Variants in TM9SF4 observed in about 807,000 individuals in gnomAD.
The protein encoded by TM9SF4 is dinucleotide oxidase disulfide thiol exchanger 3 superfamily member 4.
TM9SF4 carries 26 observed loss-of-function variants against 90.4 expected under a neutral mutation model. The observed-to-expected ratio is 0.29, with a 90% CI of 0.21 to 0.40. The LOEUF (loss-of-function observed/expected upper bound fraction) is 0.40. TM9SF4 is among the 10% of genes least tolerant of loss of function. The pLI is 1.00. For missense variants in TM9SF4, 549 were observed against 834.8 expected, an observed-to-expected ratio of 0.66 and a Z score of 4.22; for synonymous variants, 293 against 315.4, an observed-to-expected ratio of 0.93 and a Z score of 0.75.
chr20:32,128,790 CTGTG>C (rs55977888), intron 1 of TM9SF4, among the ~76,000 whole-genome samples: 3,268 of 145,266 alleles, frequency 0.022, 78 homozygotes, highest in African/African-American at 0.055. Flanking sequence ...GTATTCCATT[CTGTG>C]TGTGTGTGTG....
intron 1 of TM9SF4, among the ~76,000 whole-genome samples, chr20:32,120,060 A>G (rs2046282037): frequency 1.3e-5 from 2 of 152,170 alleles, no homozygotes; most frequent in South Asian, 4.1e-4. Context: ...GCTTTATAAT[A>G]TGTTTAGAAA....
intron 1 of TM9SF4, among the ~76,000 whole-genome samples, chr20:32,111,515 G>A (rs2046142572): frequency 6.6e-6 from 1 of 151,932 alleles, no homozygotes; most frequent in Admixed American, 6.6e-5. Context: ...GAATTACAGG[G>A]TCAAGGTCCC....
At chr20:32,162,818 T>A (rs189907758) in intron 17 of TM9SF4, among the ~76,000 whole-genome samples, 1 of 151,684 alleles carries the variant, frequency 6.6e-6, no homozygotes, top group Non-Finnish European at 1.5e-5. Flanking sequence ...TAATCATAAC[T>A]CTCATAAGTG....
Position 32,165,539 on chromosome 20 carries a change from C to T in TM9SF4, c.*95C>T, listed in dbSNP as rs766771771. ...CACGCAAAATAAAATAACTCCTGCT[C>T]GTTTGGAATGTAACTCCTGGCACAG... On this transcript the variant is annotated 3_prime_UTR_variant, in exon 18 of 18. Coordinates refer to ENST00000398022, the MANE Select transcript of TM9SF4 (RefSeq NM_014742.4). 2.1e-6 allele frequency: 3 copies of T among 1,439,040 alleles called. No individual in the cohort carries two copies. Among genetic ancestry groups the T allele is most frequent in the East Asian group, 2.3e-5 (1 of 43,080 alleles). 89.1% of individuals were successfully genotyped at this position (1,439,040 alleles called of 1,614,324 possible). A position where few individuals can be genotyped will look rare whatever the true frequency, so the allele number is the denominator to read the frequency against.
At chr20:32,111,589 A>G (rs1395215578) in intron 1 of TM9SF4, among the ~76,000 whole-genome samples, 2 of 152,340 alleles carry the variant, frequency 1.3e-5, no homozygotes, top group East Asian at 1.9e-4. Flanking sequence ...CGTGAACAAA[A>G]TAATGTCACC....
chr20:32,150,546 G>T lies in TM9SF4; in HGVS notation c.1088-76G>T. Reference sequence around the variant, plus strand: ...TCAGCCTGTCCAAGGTGGGCCTGGGGCTGGGGCTGGGGCTAGAGGCCTGGT... The same window carrying T: ...TCAGCCTGTCCAAGGTGGGCCTGGGTCTGGGGCTGGGGCTAGAGGCCTGGT... On this transcript the variant is annotated intron_variant, in intron 10 of 17. Transcript: ENST00000398022. The T allele has an allele frequency of 1.2e-5, 19 of 1,573,736 alleles. 1 individual carries two copies. The South Asian group carries it at 2.0e-4, about 17-fold the overall frequency.
At chr20:32,140,697 C>G (rs7264087) in intron 3 of TM9SF4, among the ~76,000 whole-genome samples, 6,514 of 152,254 alleles carry the variant, frequency 0.043, 504 homozygotes, top group African/African-American at 0.15. Context: ...GATGGAGTGA[C>G]TTACCAAGAC....
In TM9SF4 at chr20:32,165,657, G is replaced by A; in HGVS notation, c.*213G>A. The A allele has an allele frequency of 1.8e-6, 1 of 567,478 alleles. No individual in the cohort carries two copies. The highest frequency in any genetic ancestry group is 3.1e-6 in the Non-Finnish European group (1 of 324,292). 35.2% of individuals were successfully genotyped at this position (567,478 alleles called of 1,614,324 possible). A position where few individuals can be genotyped will look rare whatever the true frequency, so the allele number is the denominator to read the frequency against. On this transcript the variant is annotated 3_prime_UTR_variant, in exon 18 of 18. Transcript: ENST00000398022. Reference sequence around the variant, plus strand: ...CTTATTCCAGTTCTGTGGGGGATGAGTTTTTTTGTGGGTTGCTTTTTCTTC... The same window carrying A: ...CTTATTCCAGTTCTGTGGGGGATGAATTTTTTTGTGGGTTGCTTTTTCTTC...
chr20:32,138,757 A>G (rs1180080230), intron 3 of TM9SF4, among the ~76,000 whole-genome samples: 1 of 152,206 alleles, frequency 6.6e-6, no homozygotes, highest in Non-Finnish European at 1.5e-5. Flanking sequence ...AAGCGATTCC[A>G]CTGTACTTGG....
At position 32,132,286 on chromosome 20, in the gene TM9SF4, C is replaced by T. The variant is rs971254408; in HGVS notation, c.16-727C>T. 3.9e-5 allele frequency among the ~76,000 whole-genome samples: 6 copies of T among 152,200 alleles called. No homozygotes were observed. In the South Asian group the frequency reaches 6.2e-4, roughly 16 times the overall value. On this transcript the variant is annotated intron_variant, in intron 1 of 17. Coordinates refer to ENST00000398022, the MANE Select transcript of TM9SF4 (RefSeq NM_014742.4). ...AGGTGAGGTGGTGGATGCCTGTAGTCCCAGCTACTCGGTAGGCTGAGGCAG... is the reference window on the plus strand; with the variant it reads ...AGGTGAGGTGGTGGATGCCTGTAGTTCCAGCTACTCGGTAGGCTGAGGCAG...
chr20:32,141,571 G>C lies in TM9SF4; in HGVS notation c.304G>C (p.Val102Leu). ...CATGAACAGCGAGAAGAAGTGTGAA[G>C]TTCTGTGCAGCCAGTCCAACAAGCC... ...VLMNSEKKCEVLCSQSNKPVT... is the reference protein window; with the variant it reads ...VLMNSEKKCELLCSQSNKPVT... The change falls in exon 4 of 18, where the codon GTT becomes CTT. Residue 102 changes from valine (V) to leucine (L), a missense_variant. By Grantham distance (32) the Val-to-Leu change is conservative. Transcript: ENST00000398022. The C allele has an allele frequency of 1.2e-6, 2 of 1,614,136 alleles. No homozygotes were observed. The highest frequency in any genetic ancestry group is 1.7e-6 in the Non-Finnish European group (2 of 1,180,026).
chr20:32,120,701 A>G (rs2046293512), intron 1 of TM9SF4, among the ~76,000 whole-genome samples: 1 of 152,182 alleles, frequency 6.6e-6, no homozygotes, highest in Non-Finnish European at 1.5e-5. Flanking sequence ...TGGCAAGAGT[A>G]GGCATCCTTG....
chr20:32,143,174 C>G, intron 6 of TM9SF4, 69 bp downstream of exon 6: 3 of 1,570,834 alleles, frequency 1.9e-6, no homozygotes, highest in Non-Finnish European at 2.6e-6. Flanking sequence ...AGGGTCTTCG[C>G]ACTCTTCTCC....
chr20:32,152,401 A>T (rs1349331387), intron 12 of TM9SF4, among the ~76,000 whole-genome samples: 1 of 150,976 alleles, frequency 6.6e-6, no homozygotes, highest in Non-Finnish European at 1.5e-5. Flanking sequence ...AGGCCCCCCA[A>T]GCCAGAAACC....
intron 3 of TM9SF4, among the ~76,000 whole-genome samples, 196 bp from the exon 4 acceptor site, chr20:32,141,301 G>C (rs1369856258): frequency 6.6e-6 from 1 of 151,766 alleles, no homozygotes; most frequent in East Asian, 1.9e-4. Context: ...GAGCCCAAAG[G>C]AGGAGGGTGG....
chr20:32,144,943 C>A (rs1300944715), intron 6 of TM9SF4, 148 bp from the exon 7 acceptor site: 4 of 685,988 alleles, frequency 5.8e-6, no homozygotes, highest in Admixed American at 2.4e-5. Flanking sequence ...TGAAAAAAAA[C>A]CATTGTTGCC....
chr20:32,163,988 CAAGG>C (rs2047064806), intron 17 of TM9SF4, among the ~76,000 whole-genome samples: 2 of 152,272 alleles, frequency 1.3e-5, no homozygotes, highest in Non-Finnish European at 2.9e-5. Context: ...ATATGGAAGA[CAAGG>C]AACACGGTTA....
chr20:32,161,653 A>G (rs1473014393), intron 17 of TM9SF4, among the ~76,000 whole-genome samples: 2 of 152,234 alleles, frequency 1.3e-5, no homozygotes, highest in Non-Finnish European at 2.9e-5. Context: ...CTTGAAAGCA[A>G]TATGTCACCT....
At chr20:32,143,452 C>T (rs1205157330) in intron 6 of TM9SF4, among the ~76,000 whole-genome samples, 1 of 152,204 alleles carries the variant, frequency 6.6e-6, no homozygotes, top group African/African-American at 2.4e-5. Flanking sequence ...CAAGAACCAG[C>T]CAGCTCACCC....
Sources: allele counts gnomAD v4.1 joint callset (sites outside exome capture counted in the v4.1 genomes callset), GRCh38; gene constraint gnomAD v4.1.1; transcripts MANE v1.5; gene names NCBI Gene and HGNC (gene_info 2026-07-23, HGNC 2026-07-21).